Variants in ABCB1 observed in about 807,000 individuals in gnomAD.
ABCB1 encodes the protein ATP binding cassette subfamily B member 1.
Under a neutral mutation model 142.0 loss-of-function variants are expected in ABCB1, and 69 were observed. That is an observed-to-expected ratio of 0.49 (90% confidence interval 0.40 to 0.59). ABCB1 has a LOEUF of 0.59. Ranked by LOEUF, ABCB1 falls within the 20% of genes least tolerant of loss-of-function variation. The pLI is 0.00. For synonymous variants in ABCB1, 532 were observed against 539.2 expected, an observed-to-expected ratio of 0.99 and a Z score of 0.18; for missense variants, 1,326 against 1,554.7, an observed-to-expected ratio of 0.85 and a Z score of 2.47.
At chr7:87,629,227 G>A (rs2130169368) in intron 1 of ABCB1, 1 of 335,794 alleles carries the variant, frequency 3.0e-6, no homozygotes. Flanking sequence ...GCAATCTAGC[G>A]TCAGAGTGAA....
chr7:87,702,513 C>T (rs940095416), intron 1 of ABCB1, among the ~76,000 whole-genome samples: 1 of 152,076 alleles, frequency 6.6e-6, no homozygotes, highest in Non-Finnish European at 1.5e-5. Context: ...ATCCTGGCTT[C>T]GAGCAGTCTT....
intron 23 of ABCB1, 127 bp from the exon 24 acceptor site, chr7:87,516,792 A>T: frequency 4.2e-6 from 4 of 950,774 alleles, no homozygotes; most frequent in Admixed American, 2.6e-5. Flanking sequence ...GCTGGAGTGC[A>T]GTAGTGCAAT....
intron 1 of ABCB1, among the ~76,000 whole-genome samples, chr7:87,651,947 GT>G (rs200326030): frequency 3.3e-5 from 5 of 151,428 alleles, no homozygotes; most frequent in African/African-American, 1.2e-4. Flanking sequence ...TTTTAAAAGG[GT>G]TTTTTTTGTC....
At chr7:87,564,106 A>G (rs1394829133) in intron 7 of ABCB1, 1 of 450,156 alleles carries the variant, frequency 2.2e-6, no homozygotes, top group Non-Finnish European at 4.4e-6. Flanking sequence ...TGTATAACAA[A>G]TGCCCATGAC....
chr7:87,581,079 TG>T (rs1818486726), intron 4 of ABCB1, among the ~76,000 whole-genome samples: 1 of 152,068 alleles, frequency 6.6e-6, no homozygotes, highest in African/African-American at 2.4e-5. Flanking sequence ...GGCTTTTGTT[TG>T]GCTATCTTGT....
At chr7:87,664,168 A>G (rs1293138022) in intron 1 of ABCB1, among the ~76,000 whole-genome samples, 1 of 152,080 alleles carries the variant, frequency 6.6e-6, no homozygotes, top group Non-Finnish European at 1.5e-5. Flanking sequence ...TAAATTAAAA[A>G]TATACAGGGT....
At chr7:87,692,807 T>C (rs1046455462) in intron 1 of ABCB1, among the ~76,000 whole-genome samples, 2 of 152,238 alleles carry the variant, frequency 1.3e-5, no homozygotes, top group Non-Finnish European at 2.9e-5. Flanking sequence ...GTTGTAGTTA[T>C]AGCAAGAACA....
chr7:87,555,470 C>A (rs1336551500), intron 8 of ABCB1, among the ~76,000 whole-genome samples: 1 of 152,104 alleles, frequency 6.6e-6, no homozygotes, highest in East Asian at 1.9e-4. Flanking sequence ...AAGCACTGTC[C>A]AGATATGAAC....
chr7:87,519,591 A>G lies in ABCB1; in HGVS notation c.2787-125T>C, dbSNP rs1177990268. The G allele has an allele frequency of 3.0e-5, 34 of 1,135,898 alleles. No individual in the cohort carries two copies. The Admixed American group carries it at 6.0e-4, about 20-fold the overall frequency. 70.4% of individuals were successfully genotyped at this position (1,135,898 alleles called of 1,614,324 possible). On this transcript the variant is annotated intron_variant, in intron 22 of 27. Coordinates refer to ENST00000622132, the MANE Select transcript of ABCB1 (RefSeq NM_001348946.2). ...CAAAAATGGGTTTCGTTTCCAAAGA[A>G]CTAAGTTTGGTCCTCACTTTACACT... is the stretch of plus-strand genomic sequence containing the variant.
At chr7:87,680,622 G>A (rs549132905) in intron 1 of ABCB1, among the ~76,000 whole-genome samples, 8 of 150,080 alleles carry the variant, frequency 5.3e-5, no homozygotes, top group South Asian at 2.1e-4. Flanking sequence ...GTGAAACCCC[G>A]TTTCTACCAA....
chr7:87,595,328 T>G (rs942622700), intron 3 of ABCB1, among the ~76,000 whole-genome samples: 1 of 152,176 alleles, frequency 6.6e-6, no homozygotes, highest in Non-Finnish European at 1.5e-5. Flanking sequence ...GATTTTGAAC[T>G]AAAATTTGCA....
chr7:87,703,423 T>G (rs1237431485), intron 1 of ABCB1, among the ~76,000 whole-genome samples: 1 of 152,212 alleles, frequency 6.6e-6, no homozygotes, highest in Admixed American at 6.5e-5. Context: ...CTCCTTAATA[T>G]GAAAGTACAC....
In ABCB1 at chr7:87,607,558, T is replaced by TTG. The variant is rs35477648; in HGVS notation, c.-330-6482_-330-6481dup. Among the ~76,000 whole-genome samples, 992 of 152,078 alleles carry TTG rather than the reference T, an allele frequency of 6.5e-3. 9 individuals are homozygous for TTG. Among genetic ancestry groups the TTG allele is most frequent in the East Asian group, 0.049 (252 of 5,172 alleles). On this transcript the variant is annotated intron_variant, in intron 1 of 28. Coordinates refer to the ABCB1 transcript ENST00000265724. ...ATTCTTTTTTTTTTCTTTACTTAAT[T>TTG]TGTGTGTGTGTGAGACAGGGTCTTG...
At chr7:87,688,932 A>G (rs1325066627) in intron 1 of ABCB1, among the ~76,000 whole-genome samples, 2 of 151,996 alleles carry the variant, frequency 1.3e-5, no homozygotes, top group Non-Finnish European at 2.9e-5. Context: ...ATTTTCAAGG[A>G]ATCATTTTCA....
At chr7:87,661,286 AT>A (rs1196584841) in intron 1 of ABCB1, among the ~76,000 whole-genome samples, 1 of 151,774 alleles carries the variant, frequency 6.6e-6, no homozygotes, top group African/African-American at 2.4e-5. Flanking sequence ...TCTTTTAGTT[AT>A]TTTTAAATAT....
chr7:87,576,416 T>C (rs1029638464), intron 4 of ABCB1, among the ~76,000 whole-genome samples: 6 of 149,606 alleles, frequency 4.0e-5, no homozygotes, highest in Non-Finnish European at 8.9e-5. Context: ...TATAAGTGTG[T>C]GTGTAAGTAT....
chr7:87,529,853 G>A (rs1815953108), intron 21 of ABCB1, among the ~76,000 whole-genome samples: 1 of 152,214 alleles, frequency 6.6e-6, no homozygotes, highest in African/African-American at 2.4e-5. Flanking sequence ...TCCCTGGCAG[G>A]GGCCAACGTT....
intron 9 of ABCB1, 29 bp downstream of exon 9, chr7:87,553,730 AAT>A (rs1275958976): frequency 6.3e-7 from 1 of 1,599,694 alleles, no homozygotes; most frequent in East Asian, 2.2e-5. Context: ...ATTTTATAAT[AAT>A]GGTTCATTTC....
At chr7:87,556,031 C>T (rs966919427) in intron 8 of ABCB1, among the ~76,000 whole-genome samples, 3 of 152,168 alleles carry the variant, frequency 2.0e-5, no homozygotes, top group Non-Finnish European at 2.9e-5. Flanking sequence ...GAGATATAAA[C>T]AATACTCCTT....
Sources: gnomAD v4.1 joint callset for allele counts (sites outside exome capture counted in the v4.1 genomes callset) on GRCh38, gnomAD v4.1.1 for gene constraint, MANE v1.5 for transcripts, NCBI Gene and HGNC (gene_info 2026-07-23, HGNC 2026-07-21) for gene names.